DNAH6: variants seen among roughly 807,000 people sequenced by gnomAD.
The protein encoded by DNAH6 is axonemal beta dynein heavy chain 6.
A neutral mutation model predicts 491.4 loss-of-function variants in DNAH6; 340 were observed. The ratio of observed to expected loss-of-function variants is 0.69; its 90% CI spans 0.63 to 0.76. DNAH6 has a LOEUF of 0.76. Ranked by LOEUF, DNAH6 falls within the 30% of genes least tolerant of loss-of-function variation. The probability of loss-of-function intolerance (pLI) is 0.00; values close to 1 mark genes in which losing one functional copy is unlikely to be tolerated. For missense variants in DNAH6, 4,443 were observed against 4,972.2 expected (o/e 0.89, Z 3.20); for synonymous variants, 1,603 against 1,686.1 (o/e 0.95, Z 1.21).
At chr2:84,757,353 G>C (rs1383312247) in intron 63 of DNAH6, among the ~76,000 whole-genome samples, 1 of 152,190 alleles carries the variant, frequency 6.6e-6, no homozygotes, top group Non-Finnish European at 1.5e-5. Context: ...GTGCACTGCA[G>C]GATGGCAAGA....
At chr2:84,602,481 C>CTT (rs1685339838) in intron 18 of DNAH6, among the ~76,000 whole-genome samples, 1 of 99,438 alleles carries the variant, frequency 1.0e-5, no homozygotes, top group African/African-American at 4.9e-5. Context: ...ATGTTGTGTC[C>CTT]CTTTTTTTTT....
At chr2:84,719,744 A>G (rs1697907565) in intron 59 of DNAH6, among the ~76,000 whole-genome samples, 1 of 151,716 alleles carries the variant, frequency 6.6e-6, no homozygotes, top group Non-Finnish European at 1.5e-5. Flanking sequence ...GGCTAGTCTT[A>G]AACTCCTAGC....
At chr2:84,777,694 A>G in intron 64 of DNAH6, 1 of 817,616 alleles carries the variant, frequency 1.2e-6, no homozygotes, top group Non-Finnish European at 2.2e-6. Flanking sequence ...CCTACCCATG[A>G]CAGCTTAATG....
chr2:84,564,089 G>T (rs1248728180), intron 11 of DNAH6, among the ~76,000 whole-genome samples: 1 of 152,102 alleles, frequency 6.6e-6, no homozygotes. Context: ...TGCTGTTTTG[G>T]TTACTGTAGC....
intron 5 of DNAH6, among the ~76,000 whole-genome samples, chr2:84,546,754 A>G (rs1481992883): frequency 1.3e-5 from 2 of 152,180 alleles, no homozygotes; most frequent in Non-Finnish European, 2.9e-5. Context: ...TCTTTGGCAC[A>G]TACCTAGGAG....
intron 56 of DNAH6, among the ~76,000 whole-genome samples, chr2:84,711,961 A>G (rs927203989): frequency 5.9e-5 from 9 of 152,216 alleles, no homozygotes; most frequent in African/African-American, 2.2e-4. Flanking sequence ...GTTTTCTGTG[A>G]TGTTCTACCT....
At chr2:84,776,907 T>C (rs1009806412) in intron 64 of DNAH6, among the ~76,000 whole-genome samples, 3 of 152,234 alleles carry the variant, frequency 2.0e-5, no homozygotes, top group Non-Finnish European at 4.4e-5. Flanking sequence ...TGGAATACTA[T>C]GCAGCCATGT....
chr2:84,709,392 A>T lies in DNAH6; in HGVS notation c.9098A>T (p.Asp3033Val). 6.4e-7 allele frequency: 1 copy of T among 1,551,608 alleles called. No individual in the cohort carries two copies. Among genetic ancestry groups the T allele is most frequent in the African/African-American group, 1.4e-5 (1 of 73,148 alleles). ...QDCQSLEIPIDPSFSLINILG... is the reference protein window; with the variant it reads ...QDCQSLEIPIVPSFSLINILG... ...TGTCAGTCTCTGGAGATCCCAATCG[A>T]TCCTTCCTTCAGTCTCATTAACATT... Residue 3033 changes from aspartate (D) to valine (V), a missense_variant, in exon 55 of 77, where the codon GAT (aspartate) becomes GTT (valine). Physicochemically the swap from Asp to Val is radical, Grantham distance 152. Coordinates refer to ENST00000389394, the MANE Select transcript of DNAH6 (RefSeq NM_001370.2).
At position 84,703,513 on chromosome 2, in the gene DNAH6, T is replaced by C. The variant is rs963568961; in HGVS notation, c.8180T>C (p.Val2727Ala). ...GTACTTTTAGCAAAATCAGAAGATG[T>C]TGAAGCCCTGATGGAAAAATTGGCA... ...EPVLLAKSED[V>A]EALMEKLAVD... Residue 2727 changes from valine (V) to alanine (A), a missense_variant, in exon 50 of 77, where the codon GTT becomes GCT. Coordinates refer to ENST00000389394, the MANE Select transcript of DNAH6 (RefSeq NM_001370.2). The C allele has an allele frequency of 2.6e-6, 4 of 1,551,396 alleles. No homozygotes were observed. The African/African-American group carries it at 4.1e-5, about 16-fold the overall frequency.
At position 84,704,261 on chromosome 2, in the gene DNAH6, C is replaced by G. The variant is rs1696215823; in HGVS notation, c.8424C>G (p.Val2808=). ...TTTTTACAAAGCCCCCAGATTTGGT[C>G]ATGACAGTAATGGAAGCAATCTCCA... ...IRVFTKPPDL[V]MTVMEAISIL... Residue 2808 remains valine, a synonymous_variant, in exon 51 of 77, where the codon GTC becomes GTG. Transcript: ENST00000389394. 4.5e-6 allele frequency: 7 copies of G among 1,551,694 alleles called. No individual in the cohort carries two copies. Among genetic ancestry groups the G allele is most frequent in the African/African-American group, 2.7e-5 (2 of 73,156 alleles).
intron 68 of DNAH6, among the ~76,000 whole-genome samples, chr2:84,795,370 T>G (rs1436077568): frequency 6.6e-6 from 1 of 152,162 alleles, no homozygotes; most frequent in Non-Finnish European, 1.5e-5. Flanking sequence ...GTGCATAAAT[T>G]TATTAGTTTG....
intron 31 of DNAH6, 108 bp downstream of exon 31, chr2:84,637,485 T>A: frequency 2.5e-6 from 3 of 1,203,004 alleles, no homozygotes; most frequent in Non-Finnish European, 3.4e-6. Context: ...TATTAATGGT[T>A]ACACATTATT....
At chr2:84,688,633 T>C (rs1190082991) in intron 45 of DNAH6, 40 bp downstream of exon 45, 5 of 1,461,480 alleles carry the variant, frequency 3.4e-6, no homozygotes, top group East Asian at 2.7e-5. Flanking sequence ...ATTGATTTAA[T>C]ATTTTTTGTA....
Position 84,718,944 on chromosome 2 carries a change from G to T in DNAH6, c.9792+560G>T, listed in dbSNP as rs111275937. 8.9e-4 allele frequency among the ~76,000 whole-genome samples: 136 copies of T among 152,296 alleles called. 1 individual carries two copies. Among genetic ancestry groups the T allele is most frequent in the African/African-American group, 2.9e-3 (120 of 41,566 alleles). On this transcript the variant is annotated intron_variant, in intron 59 of 76. Transcript: ENST00000389394. Reference sequence around the variant, plus strand: ...AATTGGTACTCAACAAAAACGTGTCGATAGTAAGATGAAGTTTTACCTTAA... The same window carrying T: ...AATTGGTACTCAACAAAAACGTGTCTATAGTAAGATGAAGTTTTACCTTAA...
In DNAH6 at chr2:84,603,108, C is replaced by A. The variant is rs138554146; in HGVS notation, c.2869-1231C>A. Among the ~76,000 whole-genome samples the A allele has an allele frequency of 6.6e-5, 10 of 152,102 alleles. No homozygotes were observed. In the East Asian group the frequency reaches 1.7e-3, roughly 26 times the overall value. Reference sequence around the variant, plus strand: ...GTGTCATTTCTGGGTCTGATTATTGCCTTGCCTCTTAGATGTGTGGTTTTT... The same window carrying A: ...GTGTCATTTCTGGGTCTGATTATTGACTTGCCTCTTAGATGTGTGGTTTTT... On this transcript the variant is annotated intron_variant, in intron 18 of 76. Transcript: ENST00000389394.
chr2:84,797,715 A>T (rs1352544850), intron 70 of DNAH6, 57 bp downstream of exon 70: 1 of 1,330,172 alleles, frequency 7.5e-7, no homozygotes, highest in East Asian at 2.5e-5. Context: ...AACTCAAAAC[A>T]TCAATAATCA....
chr2:84,818,189 G>A (rs569093041), intron 76 of DNAH6, among the ~76,000 whole-genome samples: 7 of 152,162 alleles, frequency 4.6e-5, no homozygotes, highest in Admixed American at 1.3e-4. Context: ...AGTCATCAAT[G>A]GCCACTAATA....
the DNAH6 span, among the ~76,000 whole-genome samples, chr2:84,509,962 T>G: frequency 4.6e-5 from 7 of 152,238 alleles, no homozygotes; most frequent in Admixed American, 3.9e-4. Flanking sequence ...TCTGATGGGC[T>G]TCCCTTTGTG....
Position 84,624,248 on chromosome 2 carries a change from AT to A in DNAH6, c.4072-9del, listed in dbSNP as rs771395322. ...TGATATTGGAAAATTCACCATGACA[AT>A]TTTTTTTATTTGTAGAGATTAAATG... On this transcript the variant is annotated splice_polypyrimidine_tract_variant and intron_variant, in intron 26 of 76. Transcript: ENST00000389394. 1.3e-4 allele frequency: 192 copies of A among 1,525,380 alleles called. 1 individual carries two copies. In the African/African-American group the frequency reaches 1.7e-3, roughly 14 times the overall value. The allele number at this position is 1,525,380 out of a possible 1,614,324, so 94.5% of individuals were successfully genotyped here. A position where few individuals can be genotyped will look rare whatever the true frequency, so the allele number is the denominator to read the frequency against.
Sources: gnomAD v4.1 joint callset for allele counts (sites outside exome capture counted in the v4.1 genomes callset) on GRCh38, gnomAD v4.1.1 for gene constraint, MANE v1.5 for transcripts, NCBI Gene and HGNC (gene_info 2026-07-23, HGNC 2026-07-21) for gene names.